The following GRK5 variants were observed in gnomAD, a reference collection of about 807,000 sequenced individuals.
GRK5 encodes the protein G protein-coupled receptor kinase 5, also known as g protein-coupled receptor kinase GRK5.
A neutral mutation model predicts 78.4 loss-of-function variants in GRK5; 40 were observed. The ratio of observed to expected loss-of-function variants is 0.51; its 90% CI spans 0.40 to 0.66. GRK5 has a LOEUF of 0.66. GRK5 is among the 30% of genes least tolerant of loss of function. The probability of loss-of-function intolerance (pLI) is 0.00; values close to 1 mark genes in which losing one functional copy is unlikely to be tolerated. For missense variants in GRK5, 598 were observed against 759.9 expected, an observed-to-expected ratio of 0.79 and a Z score of 2.50; for synonymous variants, 289 against 296.8, an observed-to-expected ratio of 0.97 and a Z score of 0.27.
intron 1 of GRK5, among the ~76,000 whole-genome samples, chr10:119,323,264 C>A (rs1401212601): frequency 6.6e-6 from 1 of 152,208 alleles, no homozygotes; most frequent in East Asian, 1.9e-4. Context: ...CTTAATGCAG[C>A]TGACTCGTTC....
chr10:119,436,257 G>A (rs1243160693), intron 8 of GRK5, among the ~76,000 whole-genome samples: 2 of 152,248 alleles, frequency 1.3e-5, no homozygotes, highest in African/African-American at 4.8e-5. Flanking sequence ...GGCCCTGTGA[G>A]AATGGCTCCC....
At chr10:119,355,168 A>G (rs1851246799) in intron 2 of GRK5, among the ~76,000 whole-genome samples, 1 of 152,374 alleles carries the variant, frequency 6.6e-6, no homozygotes, top group East Asian at 1.9e-4. Context: ...AGACACAACA[A>G]TCCATTTCCT....
intron 1 of GRK5, among the ~76,000 whole-genome samples, chr10:119,284,746 G>A (rs941319905): frequency 6.6e-6 from 1 of 152,234 alleles, no homozygotes; most frequent in African/African-American, 2.4e-5. Flanking sequence ...GAGGTGGAGG[G>A]TCAGGCCTGA....
intron 1 of GRK5, among the ~76,000 whole-genome samples, chr10:119,256,880 G>T (rs769702415): frequency 1.3e-5 from 2 of 152,086 alleles, no homozygotes; most frequent in Non-Finnish European, 2.9e-5. Flanking sequence ...ATCTAATAGC[G>T]ATCACTTCCC....
At chr10:119,239,914 G>C (rs189034263) in intron 1 of GRK5, among the ~76,000 whole-genome samples, 49 of 152,226 alleles carry the variant, frequency 3.2e-4, no homozygotes, top group African/African-American at 1.1e-3. Flanking sequence ...TATCCAGTCT[G>C]TCATTGATGG....
At chr10:119,361,431 G>A (rs935325268) in intron 2 of GRK5, among the ~76,000 whole-genome samples, 14 of 152,184 alleles carry the variant, frequency 9.2e-5, no homozygotes, top group African/African-American at 3.4e-4. Flanking sequence ...ATTCACTTCC[G>A]AGAACCTGCC....
At chr10:119,385,227 G>A (rs2133836103) in intron 3 of GRK5, among the ~76,000 whole-genome samples, 1 of 152,038 alleles carries the variant, frequency 6.6e-6, no homozygotes, top group Non-Finnish European at 1.5e-5. Context: ...GTTTTTAGCA[G>A]AGCAGTGGCA....
intron 3 of GRK5, among the ~76,000 whole-genome samples, chr10:119,396,196 G>A (rs538315550): frequency 1.1e-4 from 16 of 152,324 alleles, no homozygotes; most frequent in African/African-American, 2.9e-4. Context: ...TACCATCTGC[G>A]TTTTATAGAA....
At chr10:119,358,475 TCTC>T (rs1433704518) in intron 2 of GRK5, among the ~76,000 whole-genome samples, 1 of 152,132 alleles carries the variant, frequency 6.6e-6, no homozygotes, top group Non-Finnish European at 1.5e-5. Flanking sequence ...CTGGCCGCCT[TCTC>T]CTGGTCCTGG....
chr10:119,382,590 A>T (rs1851731042), intron 3 of GRK5, among the ~76,000 whole-genome samples: 1 of 152,168 alleles, frequency 6.6e-6, no homozygotes. Flanking sequence ...CAATTTTCAC[A>T]TATTATCTCA....
At chr10:119,282,204 C>T (rs1253171589) in intron 1 of GRK5, among the ~76,000 whole-genome samples, 1 of 152,180 alleles carries the variant, frequency 6.6e-6, no homozygotes, top group African/African-American at 2.4e-5. Flanking sequence ...TTTTGGGGCC[C>T]TAAATTACTT....
At chr10:119,409,164 C>T (rs1445458889) in intron 4 of GRK5, among the ~76,000 whole-genome samples, 2 of 152,234 alleles carry the variant, frequency 1.3e-5, no homozygotes, top group Non-Finnish European at 2.9e-5. Flanking sequence ...TGCGCTGTGT[C>T]CTTAGCATCT....
intron 3 of GRK5, among the ~76,000 whole-genome samples, chr10:119,388,334 T>G (rs1461082033): frequency 6.6e-6 from 1 of 151,742 alleles, no homozygotes; most frequent in Non-Finnish European, 1.5e-5. Context: ...AGCTTTGGGT[T>G]TTTTGTTGTT....
In GRK5 at chr10:119,396,772, G is replaced by A. The variant is rs1405326978; in HGVS notation, c.339G>A (p.Lys113=). ...TTATGACCAAGTACCTCACCCCAAA[G>A]GTAAGGAGTCTTCCAAACCCCACAG... The part of the protein sequence containing the change: ...KEIMTKYLTP[K]SPVFIAQVGQ... Residue 113 remains lysine (K), a splice_region_variant and synonymous_variant, in exon 4 of 16, where the codon AAG becomes AAA. Transcript: ENST00000392870. 1 of 1,612,386 alleles carries A rather than the reference G, an allele frequency of 6.2e-7. No homozygotes were observed. Among genetic ancestry groups the A allele is most frequent in the Admixed American group, 1.7e-5 (1 of 60,026 alleles).
intron 1 of GRK5, among the ~76,000 whole-genome samples, chr10:119,287,340 G>GA (rs1849869293): frequency 8.0e-4 from 1 of 1,254 alleles, no homozygotes; most frequent in Non-Finnish European, 2.1e-3. Context: ...AAGGGAGAGA[G>GA]GAGGAAGGGA....
At chr10:119,394,114 GGGT>G (rs398114838) in intron 3 of GRK5, among the ~76,000 whole-genome samples, 3 of 31,926 alleles carry the variant, frequency 9.4e-5, no homozygotes, top group Admixed American at 3.6e-4. Context: ...TCTGTGTGGG[GGGT>G]GTGTGTGTGT....
chr10:119,375,227 C>T lies in GRK5; in HGVS notation c.149-5588C>T, dbSNP rs570480775. ...ATTCACCTTCTCCCACACTTCAGCACACCCTGCAGGTCCTCCTGGCATCTC... is the reference window on the plus strand; with the variant it reads ...ATTCACCTTCTCCCACACTTCAGCATACCCTGCAGGTCCTCCTGGCATCTC... On this transcript the variant is annotated intron_variant, in intron 2 of 15. Transcript: ENST00000392870. Among the ~76,000 whole-genome samples the T allele has an allele frequency of 3.3e-5, 5 of 152,350 alleles. No individual in the cohort carries two copies. In the South Asian group the frequency reaches 1.0e-3, roughly 32 times the overall value.
At chr10:119,214,717 G>A (rs1051760618) in intron 1 of GRK5, among the ~76,000 whole-genome samples, 2 of 151,964 alleles carry the variant, frequency 1.3e-5, no homozygotes, top group African/African-American at 2.4e-5. Flanking sequence ...ATGGGGTTTC[G>A]CCCTGTTGCC....
In GRK5 at chr10:119,240,869, C is replaced by T. The variant is rs147556513; in HGVS notation, c.52+32900C>T. On this transcript the variant is annotated intron_variant, in intron 1 of 15. Coordinates refer to ENST00000392870, the MANE Select transcript of GRK5 (RefSeq NM_005308.3). The stretch of plus-strand genomic sequence containing the variant: ...GCTTCCAAGTAGCTAGGATTACAGG[C>T]TCAAGCCACTGTGCCCAGCCAGGAG... Among the ~76,000 whole-genome samples, 1,003 of 152,276 alleles carry T rather than the reference C, an allele frequency of 6.6e-3. 17 individuals carry two copies. The highest frequency in any genetic ancestry group is 0.038 in the Admixed American group (582 of 15,290).
Sources: gnomAD v4.1 joint callset for allele counts (sites outside exome capture counted in the v4.1 genomes callset) on GRCh38, gnomAD v4.1.1 for gene constraint, MANE v1.5 for transcripts, NCBI Gene and HGNC (gene_info 2026-07-23, HGNC 2026-07-21) for gene names.